Variants in ERP44 observed in about 807,000 individuals in gnomAD.
ERP44 encodes endoplasmic reticulum protein 44.
In ERP44, 25 loss-of-function variants were observed where a neutral mutation model predicts 53.4. That is an observed-to-expected ratio of 0.47 (90% CI 0.34 to 0.65). ERP44 has a LOEUF of 0.65. Ranked by LOEUF, ERP44 falls within the 30% of genes least tolerant of loss-of-function variation. ERP44 has a pLI of 0.01. For synonymous variants in ERP44, 145 were observed against 161.2 expected (o/e 0.90, Z 0.76); for missense variants, 338 against 493.2 (o/e 0.69, Z 2.98).
chr9:100,068,572 G>A (rs1214936886), intron 1 of ERP44, among the ~76,000 whole-genome samples: 7 of 145,246 alleles, frequency 4.8e-5, no homozygotes, highest in African/African-American at 1.8e-4. Context: ...GGAGGTGGGG[G>A]GGTCAGCCCC....
rs558349125 is a variant in ERP44 at position 100,048,475 on chromosome 9, T to A, written c.286+3942A>T. Among the ~76,000 whole-genome samples, 6 of 152,038 alleles carry A rather than the reference T, an allele frequency of 3.9e-5. No individual in the cohort carries two copies. The South Asian group carries it at 1.2e-3, about 32-fold the overall frequency. The stretch of plus-strand genomic sequence containing the variant: ...GATGGTATGATGTTTCTTCAAAAAA[T>A]TAAAAACTACCATATGATCTAGCAA... On this transcript the variant is annotated intron_variant, in intron 4 of 11. Coordinates refer to ENST00000262455, the MANE Select transcript of ERP44 (RefSeq NM_015051.3).
At chr9:100,006,406 C>T in intron 10 of ERP44, 100 bp downstream of exon 10, 2 of 884,360 alleles carry the variant, frequency 2.3e-6, no homozygotes, top group Admixed American at 2.6e-5. Context: ...CAAAGTCTTA[C>T]TGTTCCAACA....
At chr9:99,996,341 C>G (rs1241570405) in intron 10 of ERP44, among the ~76,000 whole-genome samples, 2 of 152,120 alleles carry the variant, frequency 1.3e-5, no homozygotes, top group African/African-American at 4.8e-5. Flanking sequence ...TTTGCATGTG[C>G]CCACTTCCAC....
At chr9:100,022,700 A>C (rs1830606146) in intron 4 of ERP44, among the ~76,000 whole-genome samples, 1 of 152,186 alleles carries the variant, frequency 6.6e-6, no homozygotes. Flanking sequence ...AAATATTCTA[A>C]AGTCTTTGCA....
At chr9:100,013,093 A>C (rs529123647) in intron 8 of ERP44, among the ~76,000 whole-genome samples, 10 of 152,310 alleles carry the variant, frequency 6.6e-5, no homozygotes, top group African/African-American at 2.2e-4. Context: ...TCCCCAAGAA[A>C]GGGAGAAAGA....
intron 4 of ERP44, among the ~76,000 whole-genome samples, chr9:100,026,400 G>T (rs959372542): frequency 3.9e-5 from 6 of 152,022 alleles, no homozygotes; most frequent in Non-Finnish European, 7.4e-5. Flanking sequence ...AAGACAGACA[G>T]GAAGAAAGGT....
chr9:100,052,587 T>A (rs1280730999), intron 3 of ERP44, 55 bp from the exon 4 acceptor site: 3 of 955,642 alleles, frequency 3.1e-6, no homozygotes, highest in Non-Finnish European at 4.8e-6. Context: ...AATAAAATCT[T>A]ATTTCCGTTA....
rs1238196318 is a variant in ERP44 at position 99,979,233 on chromosome 9, T to C, written c.*3379A>G. On this transcript the variant is annotated 3_prime_UTR_variant, in exon 12 of 12. Transcript: ENST00000262455. ...ATTTTGGTCCAGCCATATCTCCTTG[T>C]AGGAGAAAAAAAACTGAGTTATTCT... 7.6e-6 allele frequency: 1 copy of C among 131,446 alleles called. No homozygotes were observed. The highest frequency in any genetic ancestry group is 2.5e-5 in the African/African-American group (1 of 39,668). 8.1% of individuals were successfully genotyped at this position (131,446 alleles called of 1,614,324 possible). A position where few individuals can be genotyped will look rare whatever the true frequency, so the allele number is the denominator to read the frequency against.
chr9:100,061,837 A>C (rs1351982802), intron 1 of ERP44, among the ~76,000 whole-genome samples: 1 of 152,146 alleles, frequency 6.6e-6, no homozygotes, highest in Non-Finnish European at 1.5e-5. Flanking sequence ...ATTAACTAGA[A>C]AGATCAGACT....
chr9:99,982,764 ATAATATTT>A (rs1830161436), intron 11 of ERP44, 51 bp from the exon 12 acceptor site: 1 of 1,190,408 alleles, frequency 8.4e-7, no homozygotes, highest in South Asian at 1.4e-5. Context: ...TTATGGTGCT[ATAATATTT>A]TAATAAGTGT....
At chr9:100,072,806 TCTAA>T (rs1359599717) in intron 1 of ERP44, among the ~76,000 whole-genome samples, 5 of 152,200 alleles carry the variant, frequency 3.3e-5, no homozygotes, top group African/African-American at 1.2e-4. Context: ...CAAAAAGTTC[TCTAA>T]CTCTCTATCT....
intron 10 of ERP44, chr9:99,998,605 T>C (rs991766809): frequency 1.2e-5 from 9 of 752,722 alleles, no homozygotes; most frequent in Non-Finnish European, 2.2e-5. Context: ...CCACATGCTG[T>C]CTTTGTGCTT....
chr9:99,982,921 T>G (rs1004411457), intron 11 of ERP44, among the ~76,000 whole-genome samples: 1 of 152,180 alleles, frequency 6.6e-6, no homozygotes, highest in African/African-American at 2.4e-5. Flanking sequence ...CAGGGCAGGG[T>G]TGCCACAGGG....
intron 4 of ERP44, among the ~76,000 whole-genome samples, chr9:100,027,563 A>G (rs1830666135): frequency 6.6e-6 from 1 of 152,198 alleles, no homozygotes; most frequent in African/African-American, 2.4e-5. Flanking sequence ...AATTAACTGG[A>G]TAGATCAAAT....
intron 4 of ERP44, among the ~76,000 whole-genome samples, chr9:100,025,958 A>G (rs560585190): frequency 6.6e-6 from 1 of 152,344 alleles, no homozygotes; most frequent in African/African-American, 2.4e-5. Context: ...AAAACTTTGT[A>G]TCATATTTTT....
intron 10 of ERP44, among the ~76,000 whole-genome samples, chr9:99,998,075 T>C: frequency 6.6e-6 from 1 of 152,242 alleles, no homozygotes; most frequent in Middle Eastern, 3.2e-3. Flanking sequence ...CAACAAATAC[T>C]AGTGTATAAC....
intron 1 of ERP44, among the ~76,000 whole-genome samples, chr9:100,065,425 T>A (rs1034734232): frequency 1.1e-4 from 17 of 152,182 alleles, no homozygotes; most frequent in Admixed American, 7.9e-4. Flanking sequence ...CCCGTCATCA[T>A]GCCATGCGTG....
At chr9:100,051,682 C>G (rs904626058) in intron 4 of ERP44, among the ~76,000 whole-genome samples, 1 of 152,066 alleles carries the variant, frequency 6.6e-6, no homozygotes, top group Non-Finnish European at 1.5e-5. Context: ...CTACGAAATA[C>G]AATGAGTTTA....
intron 10 of ERP44, among the ~76,000 whole-genome samples, chr9:99,992,379 C>T (rs1192968621): frequency 1.3e-5 from 2 of 152,034 alleles, no homozygotes; most frequent in African/African-American, 4.8e-5. Context: ...AATCAATAAA[C>T]GTAATCCATC....
Sources: gnomAD v4.1 joint callset for allele counts (sites outside exome capture counted in the v4.1 genomes callset) on GRCh38, gnomAD v4.1.1 for gene constraint, MANE v1.5 for transcripts, NCBI Gene and HGNC (gene_info 2026-07-23, HGNC 2026-07-21) for gene names.